Variants in PPP1R12B observed in about 807,000 individuals in gnomAD.
PPP1R12B encodes myosin phosphatase target subunit 2.
A neutral mutation model predicts 126.1 loss-of-function variants in PPP1R12B; 76 were observed. That is an observed-to-expected ratio of 0.60 (90% CI 0.50 to 0.73). PPP1R12B has a LOEUF of 0.73. Among genes scored for constraint, PPP1R12B ranks in the 30% least tolerant of loss-of-function variants. PPP1R12B has a pLI of 0.00. For missense variants in PPP1R12B, 1,052 were observed against 1,205.1 expected, an observed-to-expected ratio of 0.87 and a Z score of 1.88; for synonymous variants, 356 against 434.7, an observed-to-expected ratio of 0.82 and a Z score of 2.25.
intron 13 of PPP1R12B, among the ~76,000 whole-genome samples, chr1:202,480,614 T>C (rs1677223057): frequency 6.6e-6 from 1 of 152,366 alleles, no homozygotes; most frequent in African/African-American, 2.4e-5. Context: ...AGAAAACTTA[T>C]ATGCTACCGT....
intron 13 of PPP1R12B, among the ~76,000 whole-genome samples, chr1:202,456,956 C>T (rs1673719699): frequency 6.6e-6 from 1 of 152,158 alleles, no homozygotes; most frequent in Admixed American, 6.5e-5. Flanking sequence ...CTATGACAAA[C>T]TCATAGATGC....
chr1:202,590,437 T>TA lies in PPP1R12B; in HGVS notation c.*9877_*9878insA, dbSNP rs563723457. 1.6e-3 allele frequency: 248 copies of TA among 151,160 alleles called. No individual in the cohort carries two copies. Among genetic ancestry groups the TA allele is most frequent in the Non-Finnish European group, 2.5e-3 (170 of 67,986 alleles). 9.4% of individuals were successfully genotyped at this position (151,160 alleles called of 1,614,324 possible). A position where few individuals can be genotyped will look rare whatever the true frequency, so the allele number is the denominator to read the frequency against. ...CCAGGAGAGAGGGGACCTCAGCCCC[T>TA]TTTGGTGCTTCCCTGAAGGGAGATT... On this transcript the variant is annotated 3_prime_UTR_variant, in exon 24 of 24. Coordinates refer to ENST00000608999, the MANE Select transcript of PPP1R12B (RefSeq NM_002481.4).
intron 13 of PPP1R12B, among the ~76,000 whole-genome samples, chr1:202,459,514 G>A (rs1466570904): frequency 6.6e-6 from 1 of 152,216 alleles, no homozygotes; most frequent in Non-Finnish European, 1.5e-5. Context: ...GCATAATCTT[G>A]GATTTGTGAA....
intron 12 of PPP1R12B, among the ~76,000 whole-genome samples, chr1:202,446,236 C>CTCTCTCTCTATATATA (rs1491246158): frequency 1.1e-5 from 1 of 88,056 alleles, no homozygotes; most frequent in Non-Finnish European, 2.2e-5. Context: ...CTCTCTCTCT[C>CTCTCTCTCTATATATA]TATATATATA....
chr1:202,451,586 G>A (rs1359480256), intron 13 of PPP1R12B, among the ~76,000 whole-genome samples: 43 of 151,842 alleles, frequency 2.8e-4, no homozygotes, highest in African/African-American at 1.0e-3. Flanking sequence ...ACACAGACAC[G>A]GCAACCATCC....
At chr1:202,383,076 A>G (rs899154327) in intron 1 of PPP1R12B, among the ~76,000 whole-genome samples, 3 of 152,222 alleles carry the variant, frequency 2.0e-5, no homozygotes, top group African/African-American at 7.2e-5. Flanking sequence ...CAAGTAACTA[A>G]AAAATTTCAA....
In PPP1R12B at chr1:202,526,442, A is replaced by G. The variant is rs185257365; in HGVS notation, c.2490+29620A>G. 6.6e-5 allele frequency among the ~76,000 whole-genome samples: 10 copies of G among 152,322 alleles called. No homozygotes were observed. The East Asian group carries it at 1.9e-3, about 29-fold the overall frequency. On this transcript the variant is annotated intron_variant, in intron 18 of 23. Coordinates refer to ENST00000608999, the MANE Select transcript of PPP1R12B (RefSeq NM_002481.4). ...AAAGTAATGAATTTAAATTGAGACC[A>G]ATGAGCATGGTTGTATGTTTTTTTC... is the stretch of plus-strand genomic sequence containing the variant.
intron 18 of PPP1R12B, among the ~76,000 whole-genome samples, chr1:202,528,756 T>A (rs1314326432): frequency 2.0e-5 from 3 of 152,160 alleles, no homozygotes; most frequent in Non-Finnish European, 1.5e-5. Flanking sequence ...TGTTTTTTTT[T>A]ACATATATAC....
At chr1:202,405,599 G>A (rs1168692508) in intron 1 of PPP1R12B, among the ~76,000 whole-genome samples, 1 of 152,106 alleles carries the variant, frequency 6.6e-6, no homozygotes, top group Non-Finnish European at 1.5e-5. Context: ...AATCCTAATT[G>A]TAACTCCATG....
chr1:202,438,160 G>A (rs2148681708), intron 10 of PPP1R12B, 136 bp downstream of exon 10: 1 of 1,560,828 alleles, frequency 6.4e-7, no homozygotes, highest in Non-Finnish European at 8.6e-7. Context: ...AGAGAGAGAG[G>A]CACACTGATA....
At chr1:202,474,241 G>T (rs146173341) in intron 13 of PPP1R12B, among the ~76,000 whole-genome samples, 1 of 151,468 alleles carries the variant, frequency 6.6e-6, no homozygotes, top group African/African-American at 2.4e-5. Context: ...AGAACTTTGA[G>T]AAGAAAATGG....
intron 18 of PPP1R12B, among the ~76,000 whole-genome samples, chr1:202,542,642 G>A (rs1685243239): frequency 6.6e-6 from 1 of 152,186 alleles, no homozygotes; most frequent in Non-Finnish European, 1.5e-5. Flanking sequence ...GCCAAGGGAG[G>A]GAATTGGCAG....
Position 202,585,598 on chromosome 1 carries a change from T to C in PPP1R12B, c.*5038T>C, listed in dbSNP as rs1309184430. 1 of 152,240 alleles carries C rather than the reference T, an allele frequency of 6.6e-6. No homozygotes were observed. Among genetic ancestry groups the C allele is most frequent in the Non-Finnish European group, 1.5e-5 (1 of 68,040 alleles). The allele number at this position is 152,240 out of a possible 1,614,324, so 9.4% of individuals were successfully genotyped here. A position where few individuals can be genotyped will look rare whatever the true frequency, so the allele number is the denominator to read the frequency against. ...CAGCATATTTATTGGGATTTCTGCT[T>C]CAAAAATTCTTTCTAACCTCAAAAA... On this transcript the variant is annotated 3_prime_UTR_variant, in exon 24 of 24. Coordinates refer to ENST00000608999, the MANE Select transcript of PPP1R12B (RefSeq NM_002481.4).
intron 13 of PPP1R12B, among the ~76,000 whole-genome samples, chr1:202,450,529 AT>A (rs1205376763): frequency 2.0e-5 from 3 of 152,346 alleles, no homozygotes; most frequent in South Asian, 2.1e-4. Flanking sequence ...ACCAGGTGAA[AT>A]CTTATCAAAA....
At chr1:202,439,031 T>C (rs1027754179) in intron 10 of PPP1R12B, 5 of 1,372,642 alleles carry the variant, frequency 3.6e-6, no homozygotes, top group Admixed American at 1.7e-5. Context: ...CCACTACCAG[T>C]GGGCGGACTT....
intron 18 of PPP1R12B, among the ~76,000 whole-genome samples, chr1:202,500,244 T>TCA (rs1411280520): frequency 6.0e-5 from 9 of 149,050 alleles, no homozygotes; most frequent in Admixed American, 2.0e-4. Flanking sequence ...TCTCTCTCTC[T>TCA]CACTCTCACT....
At chr1:202,473,556 C>T (rs1011233950) in intron 13 of PPP1R12B, among the ~76,000 whole-genome samples, 1 of 152,232 alleles carries the variant, frequency 6.6e-6, no homozygotes, top group African/African-American at 2.4e-5. Context: ...TCTCTTTGCT[C>T]TGTCTTCTTT....
chr1:202,489,033 C>T (rs188603172), intron 14 of PPP1R12B, among the ~76,000 whole-genome samples: 3 of 152,136 alleles, frequency 2.0e-5, no homozygotes, highest in Non-Finnish European at 4.4e-5. Flanking sequence ...AGCGAGACTC[C>T]ATCTCAAAAA....
rs1161332856 is a variant in PPP1R12B, at chr1:202,439,055, A to G, written c.1458+1031A>G. On this transcript the variant is annotated intron_variant, in intron 10 of 23. Coordinates refer to ENST00000608999, the MANE Select transcript of PPP1R12B (RefSeq NM_002481.4). Reference sequence around the variant, plus strand: ...GTGGGCGGACTTCATCCTGGCCGCCAACTCCTATGACCTTGCCATCAAGAC... The same window carrying G: ...GTGGGCGGACTTCATCCTGGCCGCCGACTCCTATGACCTTGCCATCAAGAC... 8.5e-5 allele frequency: 117 copies of G among 1,384,236 alleles called. No individual in the cohort carries two copies. The African/African-American group carries it at 1.4e-3, about 17-fold the overall frequency. 85.7% of individuals were successfully genotyped at this position (1,384,236 alleles called of 1,614,324 possible). A position where few individuals can be genotyped will look rare whatever the true frequency, so the allele number is the denominator to read the frequency against.
Sources: allele counts gnomAD v4.1 joint callset (sites outside exome capture counted in the v4.1 genomes callset), GRCh38; gene constraint gnomAD v4.1.1; transcripts MANE v1.5; gene names NCBI Gene and HGNC (gene_info 2026-07-23, HGNC 2026-07-21).